The following NXPH2 variants were observed in gnomAD, a reference collection of about 807,000 sequenced individuals.
The protein encoded by NXPH2 is neurexophilin 2, also known as neurexophilin-2.
In NXPH2, 5 loss-of-function variants were observed where a neutral mutation model predicts 19.8. That is an observed-to-expected ratio of 0.25 (90% CI 0.13 to 0.53). The LOEUF is 0.53. Ranked by LOEUF, NXPH2 falls within the 20% of genes least tolerant of loss-of-function variation. The pLI, the probability that NXPH2 is intolerant of heterozygous loss-of-function variation, is 0.96. For missense variants in NXPH2, 289 were observed against 322.8 expected, an observed-to-expected ratio of 0.90 and a Z score of 0.80; for synonymous variants, 154 against 127.4, an observed-to-expected ratio of 1.21 and a Z score of -1.41.
In NXPH2 at chr2:138,738,406, T is replaced by C. The variant is rs867922381; in HGVS notation, c.51+41785A>G. On this transcript the variant is annotated intron_variant, in intron 1 of 1. Transcript: ENST00000272641. ...TGGAAATCACTATTTATAATTTTAT[T>C]TTGGAAAAAATTTTCATCTCCCCTT... 3.3e-5 allele frequency among the ~76,000 whole-genome samples: 5 copies of C among 152,316 alleles called. 1 individual carries two copies. Among genetic ancestry groups the C allele is most frequent in the Middle Eastern group, 6.8e-3 (2 of 294 alleles).
rs1407431113 is a variant in NXPH2, at chr2:138,759,336, G to C, written c.51+20855C>G. Among the ~76,000 whole-genome samples the C allele has an allele frequency of 2.0e-5, 3 of 150,272 alleles. No homozygotes were observed. The East Asian group carries it at 6.2e-4, about 31-fold the overall frequency. On this transcript the variant is annotated intron_variant, in intron 1 of 1. Transcript: ENST00000272641. The stretch of plus-strand genomic sequence containing the variant: ...AAGCAAGCAGGCTAGTGGTGGCACA[G>C]AGGGTCCACAATGCCCTCTGTGCCA...
chr2:138,777,394 C>T (rs887650646), intron 1 of NXPH2, among the ~76,000 whole-genome samples: 5 of 152,028 alleles, frequency 3.3e-5, no homozygotes, highest in Admixed American at 6.5e-5. Context: ...CATTAATTAG[C>T]TATAGCAACC....
intron 1 of NXPH2, among the ~76,000 whole-genome samples, chr2:138,686,787 T>G (rs1680662617): frequency 6.6e-6 from 1 of 151,842 alleles, no homozygotes; most frequent in African/African-American, 2.4e-5. Context: ...CACCTATGAG[T>G]GAGAATATGC....
chr2:138,746,865 A>G (rs1039880721), intron 1 of NXPH2, among the ~76,000 whole-genome samples: 10 of 152,134 alleles, frequency 6.6e-5, no homozygotes, highest in African/African-American at 2.4e-4. Context: ...TTTCCTATAA[A>G]AAAGGGTTTT....
chr2:138,739,884 T>G (rs142153933), intron 1 of NXPH2, among the ~76,000 whole-genome samples: 1 of 151,888 alleles, frequency 6.6e-6, no homozygotes, highest in Non-Finnish European at 1.5e-5. Context: ...GGGAAAAAAA[T>G]AGAAGTAGGG....
chr2:138,716,603 C>G (rs1681198453), intron 1 of NXPH2, among the ~76,000 whole-genome samples: 1 of 152,204 alleles, frequency 6.6e-6, no homozygotes, highest in Non-Finnish European at 1.5e-5. Flanking sequence ...GTTACAGCAG[C>G]CTGAGACGAC....
intron 1 of NXPH2, among the ~76,000 whole-genome samples, chr2:138,750,890 T>C: frequency 6.6e-6 from 1 of 152,092 alleles, no homozygotes; most frequent in East Asian, 1.9e-4. Context: ...TAGGAGGTGA[T>C]TGGATCTTGT....
chr2:138,724,516 A>G (rs1284370109), intron 1 of NXPH2, among the ~76,000 whole-genome samples: 1 of 152,230 alleles, frequency 6.6e-6, no homozygotes, highest in Non-Finnish European at 1.5e-5. Flanking sequence ...TTTGTGGGGC[A>G]GAGCTCAACA....
chr2:138,768,757 T>G (rs1020301815), intron 1 of NXPH2, among the ~76,000 whole-genome samples: 4 of 152,240 alleles, frequency 2.6e-5, no homozygotes, highest in African/African-American at 9.6e-5. Context: ...GAAAGGAAAC[T>G]GTCATTTGTT....
At chr2:138,732,793 G>T (rs1404557857) in intron 1 of NXPH2, among the ~76,000 whole-genome samples, 2 of 151,924 alleles carry the variant, frequency 1.3e-5, no homozygotes, top group Non-Finnish European at 2.9e-5. Flanking sequence ...CCTCTTCCTG[G>T]TTCCATTCCT....
In NXPH2 at chr2:138,757,041, G is replaced by T. The variant is rs561436325; in HGVS notation, c.51+23150C>A. On this transcript the variant is annotated intron_variant, in intron 1 of 1. Coordinates refer to ENST00000272641, the MANE Select transcript of NXPH2 (RefSeq NM_007226.3). ...TCTTTAATAAAAAAGATTTAAAATAGGTTTAAATCTATCACAATGCAAGGC... is the reference window on the plus strand; with the variant it reads ...TCTTTAATAAAAAAGATTTAAAATATGTTTAAATCTATCACAATGCAAGGC... 4.6e-5 allele frequency among the ~76,000 whole-genome samples: 7 copies of T among 152,182 alleles called. No homozygotes were observed. In the South Asian group the frequency reaches 1.5e-3, roughly 32 times the overall value.
At chr2:138,771,490 A>T (rs1221956378) in intron 1 of NXPH2, among the ~76,000 whole-genome samples, 1 of 151,750 alleles carries the variant, frequency 6.6e-6, no homozygotes, top group African/African-American at 2.4e-5. Flanking sequence ...AAAAAAAAAA[A>T]TTAAACAGAA....
intron 1 of NXPH2, among the ~76,000 whole-genome samples, chr2:138,726,617 T>A (rs928307766): frequency 6.6e-6 from 1 of 151,848 alleles, no homozygotes; most frequent in African/African-American, 2.4e-5. Flanking sequence ...GATGTGTGTG[T>A]TTTTTTTAAA....
In NXPH2 at chr2:138,670,260, G is replaced by A. The variant is rs1017815674; in HGVS notation, c.*662C>T. ...CCCATTACATCAGTATTCAAACTCAGGGGGAATCATAAGAATGGTGACCAA... is the reference window on the plus strand; with the variant it reads ...CCCATTACATCAGTATTCAAACTCAAGGGGAATCATAAGAATGGTGACCAA... On this transcript the variant is annotated 3_prime_UTR_variant, in exon 2 of 2. Transcript: ENST00000272641. Among the ~76,000 whole-genome samples the A allele has an allele frequency of 1.3e-5, 2 of 152,154 alleles. No homozygotes were observed. Among genetic ancestry groups the A allele is most frequent in the South Asian group, 4.1e-4 (2 of 4,828 alleles).
chr2:138,693,227 T>C lies in NXPH2; in HGVS notation c.52-21562A>G, dbSNP rs143614263. On this transcript the variant is annotated intron_variant, in intron 1 of 1. Coordinates refer to ENST00000272641, the MANE Select transcript of NXPH2 (RefSeq NM_007226.3). ...TTACAAGAAAGCTAAAGAATGTAACTGCTGATCCCCCATTTCCTTACCGAC... is the reference window on the plus strand; with the variant it reads ...TTACAAGAAAGCTAAAGAATGTAACCGCTGATCCCCCATTTCCTTACCGAC... Among the ~76,000 whole-genome samples the C allele has an allele frequency of 7.8e-3, 1,189 of 152,298 alleles. 19 individuals carry two copies. The highest frequency in any genetic ancestry group is 0.026 in the African/African-American group (1,092 of 41,576).
rs1428857918 is a variant in NXPH2 at position 138,671,547 on chromosome 2, C to G, written c.170G>C (p.Arg57Pro). Residue 57 changes from arginine to proline, a missense_variant, in exon 2 of 2, where the codon CGC becomes CCC. Transcript: ENST00000272641. ...CACCGGAGACTGTTTAACAAACAGG[C>G]GCAGGGGACTGATGATCCTTGAGTG... ...VVHSRIISPL[R>P]LFVKQSPVPK... 6.2e-7 allele frequency: 1 copy of G among 1,613,986 alleles called. No individual in the cohort carries two copies. Among genetic ancestry groups the G allele is most frequent in the African/African-American group, 1.3e-5 (1 of 75,052 alleles).
chr2:138,677,236 C>A (rs1357475940), intron 1 of NXPH2, among the ~76,000 whole-genome samples: 1 of 152,146 alleles, frequency 6.6e-6, no homozygotes, highest in South Asian at 2.1e-4. Flanking sequence ...TCTTTTCCCC[C>A]ATCATATTAT....
At chr2:138,760,439 A>G (rs1480069672) in intron 1 of NXPH2, among the ~76,000 whole-genome samples, 1 of 152,240 alleles carries the variant, frequency 6.6e-6, no homozygotes, top group African/African-American at 2.4e-5. Flanking sequence ...GAAGATATAT[A>G]TAGAACAGAG....
chr2:138,716,967 A>G (rs1285241310), intron 1 of NXPH2, among the ~76,000 whole-genome samples: 1 of 152,200 alleles, frequency 6.6e-6, no homozygotes, highest in African/African-American at 2.4e-5. Context: ...TCTTGCAGGT[A>G]TAACTGCACA....
Sources: gnomAD v4.1 joint callset for allele counts (sites outside exome capture counted in the v4.1 genomes callset) on GRCh38, gnomAD v4.1.1 for gene constraint, MANE v1.5 for transcripts, NCBI Gene and HGNC (gene_info 2026-07-23, HGNC 2026-07-21) for gene names.